SKIC3: variants seen among roughly 807,000 people sequenced by gnomAD.
The protein encoded by SKIC3 is superkiller complex protein 3.
chr5:95,498,600 A>G, the SKIC3 span: 2 of 1,602,450 alleles, frequency 1.2e-6, no homozygotes, highest in Non-Finnish European at 1.7e-6. Context: ...AGCTGTAAAG[A>G]TATTTTAAAA....
the SKIC3 span, chr5:95,497,444 A>G: frequency 1.9e-6 from 3 of 1,613,694 alleles, no homozygotes; most frequent in Non-Finnish European, 2.5e-6. Context: ...ATACTGTGCA[A>G]CAACTCGAGA....
the SKIC3 span, among the ~76,000 whole-genome samples, chr5:95,539,463 T>A: frequency 6.6e-6 from 1 of 152,140 alleles, no homozygotes; most frequent in Non-Finnish European, 1.5e-5. Flanking sequence ...TTGGTGTGGA[T>A]GTGGTAAAAA....
the SKIC3 span, chr5:95,513,504 C>G: frequency 1.1e-5 from 17 of 1,535,016 alleles, no homozygotes; most frequent in Non-Finnish European, 1.5e-5. Context: ...AATATCTATT[C>G]ATTCCCTTAA....
the SKIC3 span, chr5:95,484,808 G>T: frequency 6.2e-7 from 1 of 1,613,952 alleles, no homozygotes; most frequent in Non-Finnish European, 8.5e-7. Flanking sequence ...ACTTTTCAAG[G>T]GACTGGTTGT....
chr5:95,513,560 C>A, the SKIC3 span: 1 of 1,611,690 alleles, frequency 6.2e-7, no homozygotes, highest in South Asian at 1.1e-5. Context: ...GAAGAATGTT[C>A]AGATTCTTAC....
chr5:95,480,445 C>T, the SKIC3 span, among the ~76,000 whole-genome samples: 1 of 152,024 alleles, frequency 6.6e-6, no homozygotes, highest in Non-Finnish European at 1.5e-5. Flanking sequence ...AATAAGCATA[C>T]GAAAAGTTGT....
At chr5:95,469,816 T>G in the SKIC3 span, 1 of 1,614,170 alleles carries the variant, frequency 6.2e-7, no homozygotes, top group Non-Finnish European at 8.5e-7. Flanking sequence ...TAACAAAGCT[T>G]GTAAAAGAAC....
the SKIC3 span, among the ~76,000 whole-genome samples, chr5:95,545,450 A>G: frequency 2.6e-5 from 4 of 152,110 alleles, no homozygotes; most frequent in Admixed American, 2.6e-4. Context: ...CCACTCTCCT[A>G]AATTCTTCAT....
At chr5:95,526,720 C>T in the SKIC3 span, among the ~76,000 whole-genome samples, 2 of 152,124 alleles carry the variant, frequency 1.3e-5, no homozygotes, top group African/African-American at 2.4e-5. Context: ...CCACCTGCCT[C>T]GGCCTCCCAA....
the SKIC3 span, chr5:95,468,133 A>C: frequency 9.3e-7 from 1 of 1,073,852 alleles, no homozygotes; most frequent in Non-Finnish European, 1.4e-6. Context: ...GATAACAATA[A>C]AGGTAATAAT....
chr5:95,509,230 C>G, the SKIC3 span, among the ~76,000 whole-genome samples: 12 of 152,028 alleles, frequency 7.9e-5, no homozygotes, highest in Admixed American at 7.9e-4. Flanking sequence ...GATAACATTG[C>G]AATTGATGTA....
chr5:95,531,036 G>A, the SKIC3 span, among the ~76,000 whole-genome samples: 1 of 151,050 alleles, frequency 6.6e-6, no homozygotes, highest in Admixed American at 6.6e-5. Flanking sequence ...ACAACTTGAA[G>A]CAATAAATAT....
At chr5:95,473,738 C>T in the SKIC3 span, among the ~76,000 whole-genome samples, 1 of 152,068 alleles carries the variant, frequency 6.6e-6, no homozygotes, top group Non-Finnish European at 1.5e-5. Context: ...TTGTTAATGT[C>T]CTTTAACTGT....
chr5:95,495,557 T>C, the SKIC3 span: 3 of 153,624 alleles, frequency 2.0e-5, no homozygotes, highest in African/African-American at 7.2e-5. Flanking sequence ...CAAATGGCTG[T>C]TGAGATTATA....
the SKIC3 span, chr5:95,464,563 C>G: frequency 6.8e-7 from 1 of 1,468,118 alleles, no homozygotes. Flanking sequence ...TTGCTTCATT[C>G]TTACAGCTTT....
At chr5:95,503,822 C>T in the SKIC3 span, 1 of 1,613,786 alleles carries the variant, frequency 6.2e-7, no homozygotes, top group Non-Finnish European at 8.5e-7. Context: ...ACCTTTGCTG[C>T]TCTCTTTATA....
chr5:95,508,623 T>C, the SKIC3 span, among the ~76,000 whole-genome samples: 1 of 152,208 alleles, frequency 6.6e-6, no homozygotes, highest in Non-Finnish European at 1.5e-5. Flanking sequence ...AAATGTCACT[T>C]CCTGCCCTGC....
the SKIC3 span, among the ~76,000 whole-genome samples, chr5:95,504,889 C>T: frequency 1.3e-5 from 2 of 151,778 alleles, no homozygotes; most frequent in African/African-American, 2.4e-5. Context: ...CCTGTAATTC[C>T]AGCTACTGGA....
At chr5:95,527,968 A>T in the SKIC3 span, 1 of 1,610,842 alleles carries the variant, frequency 6.2e-7, no homozygotes. Context: ...TGCCTGGTTG[A>T]TTGGAAACTA....
Sources: gnomAD v4.1 joint callset for allele counts (sites outside exome capture counted in the v4.1 genomes callset) on GRCh38, gnomAD v4.1.1 for gene constraint, MANE v1.5 for transcripts, NCBI Gene and HGNC (gene_info 2026-07-23, HGNC 2026-07-21) for gene names.